RBMS1: variants seen among roughly 807,000 people sequenced by gnomAD.
The protein encoded by RBMS1 is RNA-binding motif, single-stranded-interacting protein 1.
A neutral mutation model predicts 62.3 loss-of-function variants in RBMS1; 17 were observed. That is an observed-to-expected ratio of 0.27 (90% CI 0.19 to 0.41). The LOEUF (loss-of-function observed/expected upper bound fraction) is 0.41, where lower values mean the gene tolerates loss of function less well. Among genes scored for constraint, RBMS1 ranks in the 10% least tolerant of loss-of-function variants. The pLI is 1.00. For synonymous variants in RBMS1, 172 were observed against 170.0 expected (o/e 1.01, Z -0.09); for missense variants, 334 against 504.5 (o/e 0.66, Z 3.24).
chr2:160,438,849 C>T (rs1683239613), intron 1 of RBMS1, among the ~76,000 whole-genome samples: 1 of 151,934 alleles, frequency 6.6e-6, no homozygotes, highest in Admixed American at 6.6e-5. Flanking sequence ...GGCAGAGGCG[C>T]CCCTCACCTC....
chr2:160,298,031 A>G (rs1689027823), intron 6 of RBMS1, among the ~76,000 whole-genome samples: 1 of 152,246 alleles, frequency 6.6e-6, no homozygotes, highest in South Asian at 2.1e-4. Flanking sequence ...TACCTTAGAG[A>G]GGTAAGAAGA....
intron 1 of RBMS1, among the ~76,000 whole-genome samples, chr2:160,462,485 C>G (rs1284112527): frequency 6.6e-6 from 1 of 152,084 alleles, no homozygotes; most frequent in East Asian, 1.9e-4. Flanking sequence ...AGACTTTAAA[C>G]CTAGGCGGTT....
At chr2:160,406,821 T>TA (rs1695735996) in intron 1 of RBMS1, among the ~76,000 whole-genome samples, 2 of 152,208 alleles carry the variant, frequency 1.3e-5, no homozygotes, top group African/African-American at 4.8e-5. Flanking sequence ...TTCAATCTGT[T>TA]AAAAAATGTA....
chr2:160,412,839 T>G (rs1337191192), intron 1 of RBMS1, among the ~76,000 whole-genome samples: 1 of 152,172 alleles, frequency 6.6e-6, no homozygotes, highest in Non-Finnish European at 1.5e-5. Flanking sequence ...AATGCAGACT[T>G]GGGGTAATCA....
At chr2:160,308,094 G>A (rs913477834) in intron 4 of RBMS1, among the ~76,000 whole-genome samples, 1 of 152,112 alleles carries the variant, frequency 6.6e-6, no homozygotes, top group African/African-American at 2.4e-5. Flanking sequence ...CAAGCACAGG[G>A]GCTGGACTTA....
intron 6 of RBMS1, among the ~76,000 whole-genome samples, chr2:160,289,747 A>C (rs1279288434): frequency 6.6e-6 from 1 of 152,034 alleles, no homozygotes; most frequent in African/African-American, 2.4e-5. Flanking sequence ...GAAGCAAAAT[A>C]CTTTTGATGC....
Position 160,284,729 on chromosome 2 carries a change from T to C in RBMS1, c.900+46A>G, listed in dbSNP as rs766541651. Reference sequence around the variant, plus strand: ...CACATAAAAATGTAGCAGAGATTCATGGTCCGCAAGTGGTTATACTGCTGA... The same window carrying C: ...CACATAAAAATGTAGCAGAGATTCACGGTCCGCAAGTGGTTATACTGCTGA... On this transcript the variant is annotated intron_variant, in intron 9 of 13. Transcript: ENST00000348849. 3 of 1,344,732 alleles carry C rather than the reference T, an allele frequency of 2.2e-6. No homozygotes were observed. In the South Asian group the frequency reaches 3.5e-5, roughly 16 times the overall value. 83.3% of individuals were successfully genotyped at this position (1,344,732 alleles called of 1,614,324 possible).
chr2:160,383,699 T>C (rs1573972237), intron 1 of RBMS1, among the ~76,000 whole-genome samples: 1 of 152,188 alleles, frequency 6.6e-6, no homozygotes, highest in Admixed American at 6.5e-5. Flanking sequence ...TTGTTAACTA[T>C]AGTCATTCTA....
intron 2 of RBMS1, among the ~76,000 whole-genome samples, chr2:160,343,508 C>T (rs76168735): frequency 0.025 from 3,752 of 152,122 alleles, 183 homozygotes; most frequent in African/African-American, 0.086. Flanking sequence ...TTAAGCCTAT[C>T]GGATTACTGG....
chr2:160,421,263 A>G (rs1464552209), intron 1 of RBMS1, among the ~76,000 whole-genome samples: 1 of 151,890 alleles, frequency 6.6e-6, no homozygotes, highest in Non-Finnish European at 1.5e-5. Context: ...CTCATTTAAC[A>G]TTAGGTAGAT....
intron 1 of RBMS1, among the ~76,000 whole-genome samples, chr2:160,446,152 A>G (rs1045629877): frequency 2.6e-5 from 4 of 152,226 alleles, no homozygotes; most frequent in Non-Finnish European, 4.4e-5. Context: ...CCTACCTTCA[A>G]AAAGTTTTAC....
At chr2:160,470,344 T>G (rs985144949) in intron 1 of RBMS1, among the ~76,000 whole-genome samples, 4 of 152,210 alleles carry the variant, frequency 2.6e-5, no homozygotes, top group Non-Finnish European at 5.9e-5. Context: ...TCTTCCTTTT[T>G]CCTATTACTT....
intron 1 of RBMS1, among the ~76,000 whole-genome samples, chr2:160,424,800 A>G (rs2105275537): frequency 6.6e-6 from 1 of 152,342 alleles, no homozygotes; most frequent in South Asian, 2.1e-4. Flanking sequence ...AAGGCAGCAA[A>G]GGGATGAAGA....
chr2:160,426,276 AG>A (rs1263740529), intron 1 of RBMS1, among the ~76,000 whole-genome samples: 1 of 126,780 alleles, frequency 7.9e-6, no homozygotes, highest in East Asian at 2.3e-4. Flanking sequence ...AAAGAAAGAA[AG>A]AAAGAAAGAA....
At chr2:160,493,021 C>T (rs927456204) in intron 1 of RBMS1, 3 of 398,450 alleles carry the variant, frequency 7.5e-6, no homozygotes, top group Non-Finnish European at 1.3e-5. Flanking sequence ...CCCCGCTGGC[C>T]GGGCCAGGAA....
rs1351593223 is a variant in RBMS1, at chr2:160,300,747, T to C, written c.561-17A>G. The stretch of plus-strand genomic sequence containing the variant: ...GATTCCATCCTATTTATAATAAAAA[T>C]AGAATACATAAATATTTAAAGGTTT... On this transcript the variant is annotated splice_polypyrimidine_tract_variant and intron_variant, in intron 5 of 13. Transcript: ENST00000348849. 17 of 1,555,226 alleles carry C rather than the reference T, an allele frequency of 1.1e-5. No individual in the cohort carries two copies. Among genetic ancestry groups the C allele is most frequent in the Non-Finnish European group, 1.4e-5 (16 of 1,154,348 alleles).
chr2:160,451,170 T>TAA (rs945310789), intron 1 of RBMS1, among the ~76,000 whole-genome samples: 9 of 127,736 alleles, frequency 7.0e-5, no homozygotes, highest in East Asian at 2.0e-4. Flanking sequence ...AAAAAAAAAA[T>TAA]AAATAAATAA....
chr2:160,312,818 A>AT (rs138274951), intron 4 of RBMS1, among the ~76,000 whole-genome samples: 1,743 of 148,504 alleles, frequency 0.012, 44 homozygotes, highest in African/African-American at 0.04. Context: ...TGACATTTAA[A>AT]TTTAAAAAAA....
intron 1 of RBMS1, among the ~76,000 whole-genome samples, chr2:160,426,400 T>A (rs1251568531): frequency 6.6e-6 from 1 of 152,078 alleles, no homozygotes; most frequent in Non-Finnish European, 1.5e-5. Flanking sequence ...ATACACAATC[T>A]AAGCTGTCTC....
Sources: allele counts gnomAD v4.1 joint callset (sites outside exome capture counted in the v4.1 genomes callset), GRCh38; gene constraint gnomAD v4.1.1; transcripts MANE v1.5; gene names NCBI Gene and HGNC (gene_info 2026-07-23, HGNC 2026-07-21).